The following CRACDL variants were observed in gnomAD, a reference collection of about 807,000 sequenced individuals.
CRACDL encodes CRACD-like protein.
A neutral mutation model predicts 70.6 loss-of-function variants in CRACDL; 26 were observed. The observed-to-expected ratio is 0.37, with a 90% CI of 0.27 to 0.51. CRACDL has a LOEUF of 0.51. Among genes scored for constraint, CRACDL ranks in the 20% least tolerant of loss-of-function variants. The pLI, the probability that CRACDL is intolerant of heterozygous loss-of-function variation, is 0.94. For missense variants in CRACDL, 1,283 were observed against 1,376.9 expected, an observed-to-expected ratio of 0.93 and a Z score of 1.08; for synonymous variants, 618 against 615.2, an observed-to-expected ratio of 1.00 and a Z score of -0.07.
At chr2:98,910,730 G>C (rs1211944553) in intron 1 of CRACDL, among the ~76,000 whole-genome samples, 5 of 152,172 alleles carry the variant, frequency 3.3e-5, no homozygotes, top group African/African-American at 1.2e-4. Context: ...CAGAGCTCAG[G>C]GTTGCAGTTC....
rs1450675719 is a variant in CRACDL, at chr2:98,841,497, T to C, written c.71-3210A>G. Among the ~76,000 whole-genome samples, 3 of 152,184 alleles carry C rather than the reference T, an allele frequency of 2.0e-5. No individual in the cohort carries two copies. The East Asian group carries it at 5.8e-4, about 29-fold the overall frequency. The stretch of plus-strand genomic sequence containing the variant: ...ATTCCATTTTTATGCACTATTGTTT[T>C]AATTCTGATTGTTAAAAAAAACCTC... On this transcript the variant is annotated intron_variant, in intron 2 of 9. Transcript: ENST00000397899.
At chr2:98,921,105 C>T (rs974015354) in intron 1 of CRACDL, among the ~76,000 whole-genome samples, 1 of 152,210 alleles carries the variant, frequency 6.6e-6, no homozygotes, top group Non-Finnish European at 1.5e-5. Context: ...AGAGAGGAGC[C>T]GATCCTCTCT....
intron 1 of CRACDL, among the ~76,000 whole-genome samples, chr2:98,887,815 A>G (rs1707839358): frequency 6.6e-6 from 1 of 152,246 alleles, no homozygotes; most frequent in African/African-American, 2.4e-5. Context: ...TATCATGAAA[A>G]GTTATGGATG....
chr2:98,889,340 A>AAAGGAAGG lies in CRACDL; in HGVS notation c.-10-42531_-10-42530insCCTTCCTT, dbSNP rs1553399268. Among the ~76,000 whole-genome samples, 257 of 128,176 alleles carry AAAGGAAGG rather than the reference A, an allele frequency of 2.0e-3. 1 individual carries two copies. The highest frequency in any genetic ancestry group is 2.6e-3 in the African/African-American group (89 of 34,758). 84.1% of individuals were successfully genotyped at this position (128,176 alleles called of 152,430 possible). The stretch of plus-strand genomic sequence containing the variant: ...GAAAGAAAGAAAGAAAGAAAGAAAG[A>AAAGGAAGG]AAGGAAACAGTAACCAAAACAGAGC... On this transcript the variant is annotated intron_variant, in intron 1 of 9. Coordinates refer to ENST00000397899, the MANE Select transcript of CRACDL (RefSeq NM_207362.3).
At chr2:98,896,673 G>A (rs905136865) in intron 1 of CRACDL, among the ~76,000 whole-genome samples, 24 of 152,252 alleles carry the variant, frequency 1.6e-4, no homozygotes, top group South Asian at 2.1e-4. Flanking sequence ...AACACCCTGC[G>A]TCTGGAGGGA....
At chr2:98,802,303 A>G (rs2104410102) in intron 7 of CRACDL, among the ~76,000 whole-genome samples, 1 of 152,364 alleles carries the variant, frequency 6.6e-6, no homozygotes, top group East Asian at 1.9e-4. Flanking sequence ...TCCTCCATGC[A>G]CACGCTGTGT....
intron 1 of CRACDL, among the ~76,000 whole-genome samples, chr2:98,920,044 G>A (rs753606292): frequency 6.6e-6 from 1 of 152,184 alleles, no homozygotes. Context: ...GTGAGCCACT[G>A]TGCCTGGCCT....
At chr2:98,850,621 A>C (rs927571091) in intron 1 of CRACDL, among the ~76,000 whole-genome samples, 2 of 152,148 alleles carry the variant, frequency 1.3e-5, no homozygotes, top group African/African-American at 4.8e-5. Flanking sequence ...TCCAAGTCCA[A>C]GTTAAAGAAA....
intron 7 of CRACDL, among the ~76,000 whole-genome samples, chr2:98,802,707 T>G (rs141272632): frequency 1.3e-3 from 202 of 152,346 alleles, no homozygotes; most frequent in Non-Finnish European, 2.4e-3. Flanking sequence ...GGGCCCAGGG[T>G]GGGACCCCAA....
intron 1 of CRACDL, among the ~76,000 whole-genome samples, chr2:98,926,559 T>A (rs754520484): frequency 3.9e-5 from 6 of 152,186 alleles, no homozygotes; most frequent in Non-Finnish European, 8.8e-5. Flanking sequence ...ACAGCTGCAC[T>A]TGGGGTTGCT....
chr2:98,850,774 G>A (rs1335630776), intron 1 of CRACDL, among the ~76,000 whole-genome samples: 1 of 152,220 alleles, frequency 6.6e-6, no homozygotes, highest in Non-Finnish European at 1.5e-5. Context: ...ATCCAAGGGA[G>A]TCCTGCATCT....
At chr2:98,828,495 C>T (rs1161715296) in intron 5 of CRACDL, among the ~76,000 whole-genome samples, 1 of 152,150 alleles carries the variant, frequency 6.6e-6, no homozygotes, top group African/African-American at 2.4e-5. Flanking sequence ...TGGGCACATC[C>T]GCTGTTTCTT....
In CRACDL at chr2:98,794,260, A is replaced by C; in HGVS notation, c.*272T>G. ...TGTCTGAGGCTTCTTTATCAAGGGA[A>C]TTCGAAAAGACACATTCGTACCTTT... On this transcript the variant is annotated 3_prime_UTR_variant, in exon 10 of 10. Coordinates refer to ENST00000397899, the MANE Select transcript of CRACDL (RefSeq NM_207362.3). 6.6e-6 allele frequency: 2 copies of C among 302,470 alleles called. No individual in the cohort carries two copies. Among genetic ancestry groups the C allele is most frequent in the East Asian group, 5.8e-5 (1 of 17,120 alleles). The allele number at this position is 302,470 out of a possible 1,614,324, so 18.7% of individuals were successfully genotyped here. A position where few individuals can be genotyped will look rare whatever the true frequency, so the allele number is the denominator to read the frequency against.
At chr2:98,865,710 G>T (rs1366477862) in intron 1 of CRACDL, among the ~76,000 whole-genome samples, 1 of 151,644 alleles carries the variant, frequency 6.6e-6, no homozygotes, top group Non-Finnish European at 1.5e-5. Context: ...AGAGGGACTT[G>T]ACAGCTGTAC....
At chr2:98,795,077 A>ATATATATATAT in intron 9 of CRACDL, among the ~76,000 whole-genome samples, 1 of 58,508 alleles carries the variant, frequency 1.7e-5, no homozygotes, top group African/African-American at 6.6e-5. Context: ...ATATATATAT[A>ATATATATATAT]TTTTTTTTTT....
intron 1 of CRACDL, among the ~76,000 whole-genome samples, chr2:98,910,850 G>A (rs1027632301): frequency 6.6e-6 from 1 of 152,204 alleles, no homozygotes; most frequent in African/African-American, 2.4e-5. Flanking sequence ...CTCCTCTTAC[G>A]GGTGACAGGA....
At chr2:98,805,829 G>A (rs757565586) in intron 7 of CRACDL, among the ~76,000 whole-genome samples, 1 of 152,208 alleles carries the variant, frequency 6.6e-6, no homozygotes, top group African/African-American at 2.4e-5. Context: ...CCCAGGCCAG[G>A]CTTTCTGTGG....
chr2:98,827,588 C>T (rs1416815478), intron 5 of CRACDL, among the ~76,000 whole-genome samples: 1 of 152,234 alleles, frequency 6.6e-6, no homozygotes, highest in African/African-American at 2.4e-5. Context: ...CCGCACCCGG[C>T]CAATACTTTC....
chr2:98,821,846 C>G lies in CRACDL; in HGVS notation c.2416+11G>C. ...GGCCCTGCCCTTCCCGCACCCTCGG[C>G]GGGCTCTTACCAGCTCCCCTGCGCA... On this transcript the variant is annotated intron_variant, in intron 7 of 9. Coordinates refer to ENST00000397899, the MANE Select transcript of CRACDL (RefSeq NM_207362.3). 1.9e-6 allele frequency: 3 copies of G among 1,606,710 alleles called. No individual in the cohort carries two copies. The highest frequency in any genetic ancestry group is 8.5e-7 in the Non-Finnish European group (1 of 1,178,602).
Sources: allele counts gnomAD v4.1 joint callset (sites outside exome capture counted in the v4.1 genomes callset), GRCh38; gene constraint gnomAD v4.1.1; transcripts MANE v1.5; gene names NCBI Gene and HGNC (gene_info 2026-07-23, HGNC 2026-07-21).